Variants in PDZRN3 observed in about 807,000 individuals in gnomAD.
PDZRN3 encodes E3 ubiquitin-protein ligase PDZRN3.
PDZRN3 carries 38 observed loss-of-function variants against 85.7 expected under a neutral mutation model. The observed-to-expected ratio is 0.44, with a 90% CI of 0.34 to 0.58. The LOEUF (loss-of-function observed/expected upper bound fraction) is 0.58, where lower values mean the gene tolerates loss of function less well. Ranked by LOEUF, PDZRN3 falls within the 20% of genes least tolerant of loss-of-function variation. PDZRN3 has a pLI of 0.01. For missense variants in PDZRN3, 1,629 were observed against 1,506.4 expected, an observed-to-expected ratio of 1.08 and a Z score of -1.35; for synonymous variants, 759 against 638.0, an observed-to-expected ratio of 1.19 and a Z score of -2.86.
chr3:73,595,135 A>C (rs1367516863), intron 3 of PDZRN3, among the ~76,000 whole-genome samples: 1 of 152,098 alleles, frequency 6.6e-6, no homozygotes, highest in Non-Finnish European at 1.5e-5. Flanking sequence ...ATAAGAAGAA[A>C]CTCTAGCTTC....
chr3:73,579,042 T>A (rs927212494), intron 3 of PDZRN3, among the ~76,000 whole-genome samples: 4 of 152,128 alleles, frequency 2.6e-5, no homozygotes, highest in African/African-American at 4.8e-5. Flanking sequence ...GGTGTCCCCA[T>A]CAAATTCATA....
chr3:73,544,628 C>T (rs184979524), intron 3 of PDZRN3, among the ~76,000 whole-genome samples: 7 of 150,878 alleles, frequency 4.6e-5, no homozygotes, highest in African/African-American at 7.3e-5. Flanking sequence ...TCTGTGGTGC[C>T]GAGATATTCA....
At chr3:73,615,535 T>G (rs1327386149) in intron 1 of PDZRN3, among the ~76,000 whole-genome samples, 1 of 152,160 alleles carries the variant, frequency 6.6e-6, no homozygotes, top group Non-Finnish European at 1.5e-5. Flanking sequence ...TAGGGATTAG[T>G]GCCCTTATAA....
intron 3 of PDZRN3, among the ~76,000 whole-genome samples, chr3:73,562,763 T>C (rs1701847724): frequency 6.6e-6 from 1 of 151,798 alleles, no homozygotes; most frequent in Non-Finnish European, 1.5e-5. Context: ...TTCATTTGCT[T>C]TTCTTCCTCT....
At chr3:73,537,291 G>A (rs1428562173) in intron 3 of PDZRN3, among the ~76,000 whole-genome samples, 4 of 152,164 alleles carry the variant, frequency 2.6e-5, no homozygotes, top group Non-Finnish European at 5.9e-5. Context: ...CTAAATCCCT[G>A]CAAAGAACAG....
At chr3:73,526,501 C>A (rs186859576) in intron 3 of PDZRN3, among the ~76,000 whole-genome samples, 2 of 152,286 alleles carry the variant, frequency 1.3e-5, no homozygotes, top group Admixed American at 1.3e-4. Flanking sequence ...CAGGTTTTCA[C>A]ATCAACTTTG....
intron 3 of PDZRN3, among the ~76,000 whole-genome samples, chr3:73,574,879 A>C (rs1702100693): frequency 2.6e-5 from 4 of 152,214 alleles, no homozygotes; most frequent in Admixed American, 2.0e-4. Context: ...GTGCTAAACA[A>C]TCCCTTCATT....
chr3:73,473,163 C>T (rs1703380386), intron 3 of PDZRN3, among the ~76,000 whole-genome samples: 1 of 152,228 alleles, frequency 6.6e-6, no homozygotes, highest in Non-Finnish European at 1.5e-5. Context: ...ATATATTCTA[C>T]AACCTTCCAC....
chr3:73,511,176 CCT>C (rs1372825707), intron 3 of PDZRN3, among the ~76,000 whole-genome samples: 1 of 152,082 alleles, frequency 6.6e-6, no homozygotes, highest in African/African-American at 2.4e-5. Context: ...ATTTTTCACC[CCT>C]CTCTTACCCC....
At chr3:73,501,738 GGTGT>G (rs1703984538) in intron 3 of PDZRN3, among the ~76,000 whole-genome samples, 1 of 152,202 alleles carries the variant, frequency 6.6e-6, no homozygotes, top group Non-Finnish European at 1.5e-5. Flanking sequence ...TAGAAGGCCA[GGTGT>G]GGTGGCTCAT....
intron 5 of PDZRN3, among the ~76,000 whole-genome samples, chr3:73,391,345 C>T (rs1701523822): frequency 6.6e-6 from 1 of 152,184 alleles, no homozygotes; most frequent in South Asian, 2.1e-4. Context: ...ATAGTTATTT[C>T]ATTGATCCCC....
chr3:73,450,930 T>TA (rs373677054), intron 3 of PDZRN3, among the ~76,000 whole-genome samples: 220 of 144,094 alleles, frequency 1.5e-3, no homozygotes, highest in Middle Eastern at 7.2e-3. Context: ...TCATGCTCTT[T>TA]AAAAAAAAAA....
intron 3 of PDZRN3, among the ~76,000 whole-genome samples, chr3:73,490,642 T>C (rs1022624867): frequency 6.6e-6 from 1 of 152,200 alleles, no homozygotes; most frequent in Non-Finnish European, 1.5e-5. Flanking sequence ...GGCTTATTCT[T>C]TACTGCTGAA....
chr3:73,584,998 A>G (rs993498058), intron 3 of PDZRN3, among the ~76,000 whole-genome samples: 4 of 152,194 alleles, frequency 2.6e-5, no homozygotes, highest in African/African-American at 9.7e-5. Flanking sequence ...TTTTCAAAAT[A>G]AACTATTTTA....
chr3:73,526,431 G>A (rs1043490009), intron 3 of PDZRN3, among the ~76,000 whole-genome samples: 11 of 152,090 alleles, frequency 7.2e-5, no homozygotes, highest in African/African-American at 2.7e-4. Flanking sequence ...CTAAGCCCCA[G>A]CCTTGCCAGC....
chr3:73,394,517 G>A (rs866471235), intron 5 of PDZRN3, among the ~76,000 whole-genome samples: 1 of 152,184 alleles, frequency 6.6e-6, no homozygotes, highest in Non-Finnish European at 1.5e-5. Context: ...TATCTTAGAA[G>A]TGGTCTGTGT....
chr3:73,550,156 G>A (rs1014236132), intron 3 of PDZRN3, among the ~76,000 whole-genome samples: 1 of 152,172 alleles, frequency 6.6e-6, no homozygotes, highest in Non-Finnish European at 1.5e-5. Context: ...GATCTCCGCA[G>A]GCCAGTGGTT....
chr3:73,565,637 T>C (rs1701930281), intron 3 of PDZRN3, among the ~76,000 whole-genome samples: 2 of 152,212 alleles, frequency 1.3e-5, no homozygotes, highest in Non-Finnish European at 2.9e-5. Flanking sequence ...CGACTCTTCA[T>C]TGAAAACTAT....
intron 3 of PDZRN3, among the ~76,000 whole-genome samples, chr3:73,507,081 A>G (rs760803258): frequency 8.5e-5 from 13 of 152,254 alleles, no homozygotes; most frequent in Non-Finnish European, 1.9e-4. Flanking sequence ...TGTTTGTGGA[A>G]CACTGCAAAG....
Sources: gnomAD v4.1 joint callset for allele counts (sites outside exome capture counted in the v4.1 genomes callset) on GRCh38, gnomAD v4.1.1 for gene constraint, MANE v1.5 for transcripts, NCBI Gene and HGNC (gene_info 2026-07-23, HGNC 2026-07-21) for gene names.